BCOR: variants seen among roughly 807,000 people sequenced by gnomAD.
BCOR encodes the protein BCL6 corepressor.
In BCOR, 10 loss-of-function variants were observed where a neutral mutation model predicts 86.7. That is an observed-to-expected ratio of 0.12 (90% CI 0.07 to 0.20). The LOEUF is 0.20. Ranked by LOEUF, BCOR falls within the 10% of genes least tolerant of loss-of-function variation. BCOR has a pLI of 1.00. For synonymous variants in BCOR, 611 were observed against 609.0 expected (o/e 1.00, Z -0.05); for missense variants, 1,259 against 1,452.1 (o/e 0.87, Z 2.16).
chrX:40,155,380 C>T (rs1938268359), intron 1 of BCOR, among the ~76,000 whole-genome samples: 1 of 111,995 alleles, frequency 8.9e-6, no homozygotes, highest in Non-Finnish European at 1.9e-5. Context: ...GAGTCCGCAC[C>T]CCCGCGGCCA....
intron 1 of BCOR, among the ~76,000 whole-genome samples, chrX:40,083,161 CG>C (rs1321006078): frequency 9.0e-6 from 1 of 110,687 alleles, no homozygotes; most frequent in African/African-American, 3.3e-5. Flanking sequence ...AAAGCTCTTC[CG>C]GATGTGCAGT....
chrX:40,140,538 C>T, intron 1 of BCOR, among the ~76,000 whole-genome samples: 1 of 112,406 alleles, frequency 8.9e-6, no homozygotes, highest in Non-Finnish European at 1.9e-5. Flanking sequence ...ATTGCTCTTT[C>T]TCCTGGTTTT....
rs999982816 is a variant in BCOR, at chrX:40,157,814, C to T, written c.-41+19193G>A. 3.6e-5 allele frequency among the ~76,000 whole-genome samples: 4 copies of T among 111,999 alleles called. No individual in the cohort carries two copies. In the East Asian group the frequency reaches 8.4e-4, roughly 24 times the overall value. ...TCAGGTTTTGGAGTGTCCTAGGAGG[C>T]AGGCAGCCTACACTGCGCGCATACC... On this transcript the variant is annotated intron_variant, in intron 1 of 14. Transcript: ENST00000342274.
At chrX:40,159,905 GA>G (rs201593946) in intron 1 of BCOR, among the ~76,000 whole-genome samples, 9 of 109,946 alleles carry the variant, frequency 8.2e-5, no homozygotes, top group Non-Finnish European at 1.7e-4. Context: ...TTAACTCCAG[GA>G]AAAAAAAATC....
chrX:40,098,794 C>A (rs1225589746), upstream of BCOR, among the ~76,000 whole-genome samples: 1 of 111,999 alleles, frequency 8.9e-6, no homozygotes, highest in Non-Finnish European at 1.9e-5. Flanking sequence ...CAACGGTGGC[C>A]GTTCCGCCTG....
intron 1 of BCOR, among the ~76,000 whole-genome samples, chrX:40,174,880 T>C (rs868561028): frequency 2.7e-5 from 3 of 113,049 alleles, no homozygotes; most frequent in Admixed American, 9.3e-5. Flanking sequence ...TGTATTAGAT[T>C]GAAACAAAAA....
chrX:40,073,050 C>T lies in BCOR; in HGVS notation c.2296G>A (p.Glu766Lys), dbSNP rs1025284999. The change falls in exon 4 of 15, where the codon GAG (glutamate) becomes AAG (lysine). Residue 766 changes from glutamate (E) to lysine (K), a missense_variant. Physicochemically the swap from Glu to Lys is moderately conservative, Grantham distance 56. Coordinates refer to ENST00000378444, the MANE Select transcript of BCOR (RefSeq NM_001123385.2). ...EDPTLRNRFSEILETSSTKLH... is the reference protein window; with the variant it reads ...EDPTLRNRFSKILETSSTKLH... The stretch of plus-strand genomic sequence containing the variant: ...TTGGTGCTGCTAGTTTCCAAAATCT[C>T]GGAAAACCGATTCCGGAGGGTTGGG... 2.5e-5 allele frequency: 30 copies of T among 1,211,907 alleles called. No homozygotes were observed. The highest frequency in any genetic ancestry group is 3.1e-5 in the Non-Finnish European group (28 of 895,561).
In BCOR at chrX:40,106,381, G is replaced by A. The variant is rs1404738215; in HGVS notation, c.-40-28412C>T. On this transcript the variant is annotated intron_variant, in intron 1 of 14. Transcript: ENST00000342274. ...GGGGCGCGGGCTCGGGCCGCGGGCG[G>A]CGTGTGCGGCGGCCCCGCGGGCCCG... is the stretch of plus-strand genomic sequence containing the variant. 3.6e-5 allele frequency among the ~76,000 whole-genome samples: 4 copies of A among 112,344 alleles called. No homozygotes were observed. The East Asian group carries it at 1.1e-3, about 32-fold the overall frequency.
intron 10 of BCOR, among the ~76,000 whole-genome samples, chrX:40,060,180 C>T (rs1398898999): frequency 8.9e-6 from 1 of 112,543 alleles, no homozygotes; most frequent in Admixed American, 9.4e-5. Flanking sequence ...AATGGACTAT[C>T]ATCCTAACAT....
intron 1 of BCOR, among the ~76,000 whole-genome samples, chrX:40,116,724 A>T (rs933949584): frequency 1.8e-5 from 2 of 111,906 alleles, no homozygotes; most frequent in African/African-American, 6.5e-5. Flanking sequence ...TACTCTGCCA[A>T]TTGCACAAGT....
At chrX:40,062,700 G>A (rs1234244447) in intron 9 of BCOR, 46 bp downstream of exon 9, 2 of 1,127,837 alleles carry the variant, frequency 1.8e-6, no homozygotes, top group Admixed American at 2.3e-5. Context: ...GGCAGGCGGG[G>A]ATGTGTTCGC....
At chrX:40,054,220 A>T in intron 13 of BCOR, 36 bp downstream of exon 13, 1 of 1,172,581 alleles carries the variant, frequency 8.5e-7, no homozygotes, top group Non-Finnish European at 1.2e-6. Context: ...GAACTTGTTC[A>T]CCTCCTACGG....
chrX:40,087,296 G>T (rs1297028492), intron 1 of BCOR, among the ~76,000 whole-genome samples: 1 of 112,840 alleles, frequency 8.9e-6, no homozygotes, highest in African/African-American at 3.2e-5. Flanking sequence ...TATGATTTTT[G>T]GTTAAGTTGA....
rs771500746 is a variant in BCOR, at chrX:40,144,901, A to T, written c.-41+32106T>A. Reference sequence around the variant, plus strand: ...TTGACCACTCTGGCTGGCTTTCCACATGAGCCTGAAAATGTCGACAAATTT... The same window carrying T: ...TTGACCACTCTGGCTGGCTTTCCACTTGAGCCTGAAAATGTCGACAAATTT... On this transcript the variant is annotated intron_variant, in intron 1 of 14. Transcript: ENST00000342274. Among the ~76,000 whole-genome samples, 12 of 110,795 alleles carry T rather than the reference A, an allele frequency of 1.1e-4. 1 individual carries two copies. In the South Asian group the frequency reaches 3.5e-3, roughly 32 times the overall value.
chrX:40,176,781 C>A lies in BCOR; in HGVS notation c.-41+226G>T, dbSNP rs935303706. Among the ~76,000 whole-genome samples the A allele has an allele frequency of 6.2e-5, 7 of 112,220 alleles. No individual in the cohort carries two copies. In the East Asian group the frequency reaches 1.7e-3, roughly 27 times the overall value. Reference sequence around the variant, plus strand: ...GAGCCGCCGCCCCGCGCCACCCCCGCCCGGCCCGGCCCTTGTCCCAGCCCG... The same window carrying A: ...GAGCCGCCGCCCCGCGCCACCCCCGACCGGCCCGGCCCTTGTCCCAGCCCG... On this transcript the variant is annotated intron_variant, in intron 1 of 14. Coordinates refer to the BCOR transcript ENST00000342274.
intron 1 of BCOR, among the ~76,000 whole-genome samples, chrX:40,119,699 A>T (rs1004850435): frequency 9.2e-6 from 1 of 109,149 alleles, no homozygotes; most frequent in Non-Finnish European, 1.9e-5. Flanking sequence ...GCACAGTGGG[A>T]CTCCTTGGGG....
chrX:40,125,264 C>T (rs1294639646), intron 1 of BCOR, among the ~76,000 whole-genome samples: 1 of 111,503 alleles, frequency 9.0e-6, no homozygotes, highest in Non-Finnish European at 1.9e-5. Context: ...TGTGGAGTCT[C>T]ACTCTGTCAC....
intron 1 of BCOR, among the ~76,000 whole-genome samples, chrX:40,133,126 T>C (rs1030316325): frequency 9.1e-6 from 1 of 109,945 alleles, no homozygotes; most frequent in African/African-American, 3.4e-5. Context: ...CAATTTCTTT[T>C]TTTTCTTTTT....
rs1168850522 is a variant in BCOR at position 40,074,218 on chromosome X, G to A, written c.1128C>T (p.Tyr376=). The change falls in exon 4 of 15, where the codon TAC becomes TAT. Residue 376 remains tyrosine, a synonymous_variant. Transcript: ENST00000378444. ...CGGGGAACTCGCTGCTAACTGTCAT[G>A]TATGGCTTTGACAGGGCAACTGAAG... ...TSPSVALSKP[Y]MTVSSEFPAA... The A allele has an allele frequency of 1.6e-6, 2 of 1,212,288 alleles. No homozygotes were observed. Among genetic ancestry groups the A allele is most frequent in the Admixed American group, 4.3e-5 (2 of 46,137 alleles).
Sources: gnomAD v4.1 joint callset for allele counts (sites outside exome capture counted in the v4.1 genomes callset) on GRCh38, gnomAD v4.1.1 for gene constraint, MANE v1.5 for transcripts, NCBI Gene and HGNC (gene_info 2026-07-23, HGNC 2026-07-21) for gene names.